Variants in RCAN2 observed in about 807,000 individuals in gnomAD.
RCAN2 encodes the protein calcipressin-2.
In RCAN2, 9 loss-of-function variants were observed where a neutral mutation model predicts 23.6. The ratio of observed to expected loss-of-function variants is 0.38; its 90% CI spans 0.23 to 0.67. The LOEUF is 0.67. Ranked by LOEUF, RCAN2 falls within the 30% of genes least tolerant of loss-of-function variation. The pLI is 0.51. For synonymous variants in RCAN2, 109 were observed against 115.7 expected, an observed-to-expected ratio of 0.94 and a Z score of 0.37; for missense variants, 273 against 302.3, an observed-to-expected ratio of 0.90 and a Z score of 0.72.
At chr6:46,404,606 A>G (rs898163633) in intron 2 of RCAN2, among the ~76,000 whole-genome samples, 1 of 152,252 alleles carries the variant, frequency 6.6e-6, no homozygotes, top group African/African-American at 2.4e-5. Context: ...GCCTAGAAAT[A>G]TATTTCTTGG....
chr6:46,332,131 ATTGT>A (rs1763994234), intron 2 of RCAN2, among the ~76,000 whole-genome samples: 1 of 152,088 alleles, frequency 6.6e-6, no homozygotes, highest in South Asian at 2.1e-4. Flanking sequence ...ATGCCTAATG[ATTGT>A]TTTTCTCTTT....
Position 46,412,447 on chromosome 6 carries a change from C to T in RCAN2, c.225+44305G>A, listed in dbSNP as rs149736408. Among the ~76,000 whole-genome samples, 172 of 152,174 alleles carry T rather than the reference C, an allele frequency of 1.1e-3. 1 individual carries two copies. Among genetic ancestry groups the T allele is most frequent in the African/African-American group, 4.0e-3 (165 of 41,520 alleles). On this transcript the variant is annotated intron_variant, in intron 2 of 4. Coordinates refer to ENST00000371374, the MANE Select transcript of RCAN2 (RefSeq NM_001251974.2). The stretch of plus-strand genomic sequence containing the variant: ...GCATCATTGGCATTGAGATGGCATT[C>T]ATAGCTATGGGGCTGAATGAGATCA...
chr6:46,223,377 A>T, intron 4 of RCAN2, 76 bp from the exon 5 acceptor site: 1 of 1,382,904 alleles, frequency 7.2e-7, no homozygotes, highest in Non-Finnish European at 1.0e-6. Context: ...TCTGCTTAGG[A>T]AATGACAGGA....
chr6:46,360,941 C>A lies in RCAN2; in HGVS notation c.225+95811G>T, dbSNP rs188778567. Among the ~76,000 whole-genome samples, 320 of 152,242 alleles carry A rather than the reference C, an allele frequency of 2.1e-3. 1 individual carries two copies. Among genetic ancestry groups the A allele is most frequent in the African/African-American group, 7.4e-3 (308 of 41,540 alleles). ...TGAATAGTGAAGGTATAATAACAGG[C>A]CTTCTCCCTACCCCCATGTATGTGT... On this transcript the variant is annotated intron_variant, in intron 2 of 4. Coordinates refer to ENST00000371374, the MANE Select transcript of RCAN2 (RefSeq NM_001251974.2).
In RCAN2 at chr6:46,360,533, CAAAAAAAAAA is replaced by C. The variant is rs765916099; in HGVS notation, c.225+96209_225+96218del. ...TGGGCGACAGAGCAAGACTCCGTCT[CAAAAAAAAAA>C]AAAAAAAAAAAAAAAAAGAGGGCTT... On this transcript the variant is annotated intron_variant, in intron 2 of 4. Transcript: ENST00000371374. 6.6e-4 allele frequency among the ~76,000 whole-genome samples: 22 copies of C among 33,502 alleles called. No homozygotes were observed. In the East Asian group the frequency reaches 9.5e-3, roughly 14 times the overall value. 22.0% of individuals were successfully genotyped at this position (33,502 alleles called of 152,430 possible).
chr6:46,405,187 T>G (rs2150404968), intron 2 of RCAN2, among the ~76,000 whole-genome samples: 1 of 152,218 alleles, frequency 6.6e-6, no homozygotes, highest in African/African-American at 2.4e-5. Flanking sequence ...GTTTTTTCCT[T>G]CTGGTGGGTT....
chr6:46,482,942 T>C (rs781511158), intron 1 of RCAN2, among the ~76,000 whole-genome samples: 1 of 152,202 alleles, frequency 6.6e-6, no homozygotes, highest in Non-Finnish European at 1.5e-5. Flanking sequence ...AGCTGCCACA[T>C]TTGGGCATTC....
At chr6:46,323,507 A>G (rs1156418268) in intron 2 of RCAN2, among the ~76,000 whole-genome samples, 1 of 152,184 alleles carries the variant, frequency 6.6e-6, no homozygotes, top group Non-Finnish European at 1.5e-5. Flanking sequence ...TATGAAGAAC[A>G]GCATCAGCTG....
chr6:46,311,703 G>T (rs1763265158), intron 2 of RCAN2, among the ~76,000 whole-genome samples: 1 of 152,156 alleles, frequency 6.6e-6, no homozygotes, highest in African/African-American at 2.4e-5. Context: ...ATGAAATCTT[G>T]ACAAACTTCT....
intron 2 of RCAN2, among the ~76,000 whole-genome samples, chr6:46,372,812 A>G (rs557322548): frequency 6.6e-6 from 1 of 152,358 alleles, no homozygotes; most frequent in Non-Finnish European, 1.5e-5. Flanking sequence ...CCATTTAACT[A>G]TCAGAAGTCT....
At chr6:46,230,153 G>A (rs1338162795) in intron 4 of RCAN2, among the ~76,000 whole-genome samples, 1 of 152,146 alleles carries the variant, frequency 6.6e-6, no homozygotes, top group African/African-American at 2.4e-5. Flanking sequence ...CGTCTCAGAG[G>A]GGCACCTGGC....
chr6:46,432,632 C>T (rs1413100820), intron 2 of RCAN2, among the ~76,000 whole-genome samples: 1 of 152,060 alleles, frequency 6.6e-6, no homozygotes, highest in Non-Finnish European at 1.5e-5. Flanking sequence ...CACCAGTTAC[C>T]AGCAGACTTG....
At chr6:46,472,165 T>C (rs1768574914) in intron 1 of RCAN2, among the ~76,000 whole-genome samples, 1 of 152,250 alleles carries the variant, frequency 6.6e-6, no homozygotes, top group South Asian at 2.1e-4. Flanking sequence ...AACACTCCTG[T>C]ACTTTACATC....
chr6:46,459,036 T>C (rs1453687989), intron 1 of RCAN2, among the ~76,000 whole-genome samples: 1 of 152,212 alleles, frequency 6.6e-6, no homozygotes, highest in Non-Finnish European at 1.5e-5. Flanking sequence ...TAGCTGAGAT[T>C]ACAGGCACGT....
intron 2 of RCAN2, among the ~76,000 whole-genome samples, chr6:46,407,970 T>A (rs371307084): frequency 6.9e-4 from 105 of 152,312 alleles, no homozygotes; most frequent in African/African-American, 2.4e-3. Flanking sequence ...ACTGAAATTG[T>A]CCATCTGGAA....
rs1330155876 is a variant in RCAN2 at position 46,367,616 on chromosome 6, CTG to C, written c.225+89134_225+89135del. 2.0e-5 allele frequency among the ~76,000 whole-genome samples: 3 copies of C among 152,098 alleles called. No individual in the cohort carries two copies. The East Asian group carries it at 5.8e-4, about 29-fold the overall frequency. Reference sequence around the variant, plus strand: ...TTCTTTTATTTTCTTTTTCAGACTGCTGTCTTATCAAGGGTAATGGATGATGT... The same window carrying C: ...TTCTTTTATTTTCTTTTTCAGACTGCTCTTATCAAGGGTAATGGATGATGT... On this transcript the variant is annotated intron_variant, in intron 2 of 4. Transcript: ENST00000371374.
At chr6:46,403,068 C>A (rs1282567206) in intron 2 of RCAN2, among the ~76,000 whole-genome samples, 1 of 151,960 alleles carries the variant, frequency 6.6e-6, no homozygotes, top group Non-Finnish European at 1.5e-5. Context: ...ATGCTTACAC[C>A]ATTCTCCTGC....
chr6:46,383,347 C>G (rs373613334), intron 2 of RCAN2, among the ~76,000 whole-genome samples: 31 of 152,188 alleles, frequency 2.0e-4, no homozygotes, highest in African/African-American at 7.0e-4. Context: ...GAGTCAGGAA[C>G]AGCTTAGGCG....
intron 2 of RCAN2, among the ~76,000 whole-genome samples, chr6:46,393,176 G>A (rs970400681): frequency 1.3e-5 from 2 of 152,050 alleles, no homozygotes; most frequent in Non-Finnish European, 2.9e-5. Flanking sequence ...GACCTTTAAG[G>A]GCTCCCTAAT....
Sources: gnomAD v4.1 joint callset for allele counts (sites outside exome capture counted in the v4.1 genomes callset) on GRCh38, gnomAD v4.1.1 for gene constraint, MANE v1.5 for transcripts, NCBI Gene and HGNC (gene_info 2026-07-23, HGNC 2026-07-21) for gene names.